The following PRDM4 variants were observed in gnomAD, a reference collection of about 807,000 sequenced individuals.
PRDM4 encodes the protein PR domain zinc finger protein 4.
In PRDM4, 38 loss-of-function variants were observed where a neutral mutation model predicts 62.3. The ratio of observed to expected loss-of-function variants is 0.61; its 90% CI spans 0.47 to 0.80. PRDM4 has a LOEUF of 0.80. PRDM4 is among the 30% of genes least tolerant of loss of function. The pLI, the probability that PRDM4 is intolerant of heterozygous loss-of-function variation, is 0.00. For missense variants in PRDM4, 858 were observed against 997.1 expected (o/e 0.86, Z 1.88); for synonymous variants, 339 against 348.2 (o/e 0.97, Z 0.30).
intron 11 of PRDM4, chr12:107,739,039 A>T (rs991732417): frequency 1.1e-5 from 2 of 189,684 alleles, no homozygotes; most frequent in African/African-American, 4.7e-5. Flanking sequence ...GCTGACTCTT[A>T]CTCTTCTCAC....
chr12:107,753,813 A>T, intron 4 of PRDM4, 111 bp downstream of exon 4: 1 of 1,014,414 alleles, frequency 9.9e-7, no homozygotes, highest in Non-Finnish European at 1.4e-6. Context: ...CCTAGAGATT[A>T]ATATCTAATA....
At chr12:107,753,790 G>A in intron 4 of PRDM4, 134 bp downstream of exon 4, 4 of 805,608 alleles carry the variant, frequency 5.0e-6, no homozygotes, top group Non-Finnish European at 7.4e-6. Context: ...TATAAACAAA[G>A]ATACTTTTCC....
rs1365315110 is a variant in PRDM4 at position 107,733,943 on chromosome 12, T to C, written c.*267A>G. On this transcript the variant is annotated 3_prime_UTR_variant, in exon 12 of 12. Coordinates refer to ENST00000228437, the MANE Select transcript of PRDM4 (RefSeq NM_012406.4). ...TCAGGCATAAATGCATCTCCCAGAT[T>C]ATCATGTAAATAAAGACCTCAGAAG... 5.3e-6 allele frequency: 2 copies of C among 376,378 alleles called. No individual in the cohort carries two copies. The highest frequency in any genetic ancestry group is 9.5e-6 in the Non-Finnish European group (2 of 210,868). The allele number at this position is 376,378 out of a possible 1,614,324, so 23.3% of individuals were successfully genotyped here.
chr12:107,741,318 G>T, intron 9 of PRDM4, 58 bp from the exon 10 acceptor site: 1 of 1,450,552 alleles, frequency 6.9e-7, no homozygotes, highest in Non-Finnish European at 9.4e-7. Context: ...ACTTGTTCTT[G>T]ATATTAACAA....
intron 2 of PRDM4, chr12:107,759,732 C>T (rs1320763728): frequency 6.6e-6 from 1 of 152,214 alleles, no homozygotes; most frequent in Non-Finnish European, 1.5e-5. Flanking sequence ...CTTTCTCATT[C>T]TAAAATGCAG....
intron 11 of PRDM4, chr12:107,736,984 A>C (rs1890353575): frequency 6.6e-6 from 1 of 152,408 alleles, no homozygotes; most frequent in South Asian, 2.1e-4. Flanking sequence ...ATAAGATTTA[A>C]GTTGCCTAGC....
intron 2 of PRDM4, among the ~76,000 whole-genome samples, chr12:107,758,065 G>A (rs1009840669): frequency 6.6e-6 from 1 of 151,986 alleles, no homozygotes; most frequent in Non-Finnish European, 1.5e-5. Flanking sequence ...ATCAAATGAG[G>A]TTACATATTC....
At position 107,751,492 on chromosome 12, in the gene PRDM4, A is replaced by T. The variant is rs1393462764; in HGVS notation, c.1049T>A (p.Leu350His). The T allele has an allele frequency of 1.2e-6, 2 of 1,614,080 alleles. No homozygotes were observed. Among genetic ancestry groups the T allele is most frequent in the Non-Finnish European group, 1.7e-6 (2 of 1,179,904 alleles). ...TGHVDVSSDS[L>H]SFVSPSLQME... ...TTGCAGTGAAGGTGATACAAAAGAA[A>T]GACTGTCTGAAGATACATCTACATG... The change falls in exon 5 of 12, where the codon CTT becomes CAT. Residue 350 changes from leucine to histidine, a missense_variant. By Grantham distance (99) the Leu-to-His change is moderately conservative. Coordinates refer to ENST00000228437, the MANE Select transcript of PRDM4 (RefSeq NM_012406.4).
intron 6 of PRDM4, 151 bp from the exon 7 acceptor site, chr12:107,744,812 C>T: frequency 9.1e-7 from 1 of 1,096,730 alleles, no homozygotes; most frequent in Non-Finnish European, 1.3e-6. Context: ...GTTATCCCGG[C>T]ACTTTGGGAG....
At chr12:107,739,911 G>A (rs4258462) in intron 10 of PRDM4, among the ~76,000 whole-genome samples, 44,229 of 150,686 alleles carry the variant, frequency 0.29, 8,169 homozygotes, top group Middle Eastern at 0.43. Flanking sequence ...GTGTCTATAG[G>A]GAAACATACT....
In PRDM4 at chr12:107,754,125, T is replaced by G. The variant is rs1565833575; in HGVS notation, c.146-16A>C. 5.1e-6 allele frequency: 8 copies of G among 1,554,980 alleles called. No homozygotes were observed. Among genetic ancestry groups the G allele is most frequent in the Non-Finnish European group, 7.0e-6 (8 of 1,145,780 alleles). ...ACTGGGAGGCCTACAAAACAAAATT[T>G]TTTTTCTCAGTTAAAAGAAAATAGG... On this transcript the variant is annotated splice_polypyrimidine_tract_variant and intron_variant, in intron 3 of 11. Transcript: ENST00000228437.
At chr12:107,736,108 A>G (rs1890321608) in intron 11 of PRDM4, among the ~76,000 whole-genome samples, 1 of 152,206 alleles carries the variant, frequency 6.6e-6, no homozygotes, top group Non-Finnish European at 1.5e-5. Context: ...TGGTTTTTAG[A>G]TGTTTATTCA....
rs775070807 is a variant in PRDM4, at chr12:107,739,506, T to C, written c.1970A>G (p.Gln657Arg). 1 of 1,614,036 alleles carries C rather than the reference T, an allele frequency of 6.2e-7. No homozygotes were observed. The highest frequency in any genetic ancestry group is 1.1e-5 in the South Asian group (1 of 91,074). ...CATGTGGGACTCCAGGTGAGCCTTC[T>C]GGGTGAAAGACTTGTCACACAAGGT... ...RCTLCDKSFT[Q>R]KAHLESHMVI... Residue 657 changes from glutamine (Q) to arginine (R), a missense_variant, in exon 11 of 12, where the codon CAG (glutamine) becomes CGG (arginine). Gln to Arg is a conservative substitution (Grantham distance 43). Coordinates refer to ENST00000228437, the MANE Select transcript of PRDM4 (RefSeq NM_012406.4).
rs1890907670 is a variant in PRDM4 at position 107,751,913 on chromosome 12, C to T, written c.628G>A (p.Ala210Thr). Residue 210 changes from alanine to threonine, a missense_variant, in exon 5 of 12, where the codon GCA becomes ACA. By Grantham distance (58) the Ala-to-Thr change is moderately conservative (BLOSUM62 0). Transcript: ENST00000228437. ...VTSPISTDGMAEELTMDGVAG... is the reference protein window; with the variant it reads ...VTSPISTDGMTEELTMDGVAG... ...ACACCGTCCATCGTAAGCTCCTCTG[C>T]CATTCCATCTGTCGAAATTGGGCTG... is the stretch of plus-strand genomic sequence containing the variant. The T allele has an allele frequency of 1.2e-6, 2 of 1,614,232 alleles. No homozygotes were observed. Among genetic ancestry groups the T allele is most frequent in the South Asian group, 2.2e-5 (2 of 91,088 alleles).
Position 107,741,235 on chromosome 12 carries a change from A to T in PRDM4, c.1635T>A (p.His545Gln), listed in dbSNP as rs750968084. Residue 545 changes from histidine (H) to glutamine (Q), a missense_variant, in exon 10 of 12, where the codon CAT (histidine) becomes CAA (glutamine). By Grantham distance (24) the His-to-Gln change is conservative (BLOSUM62 0). Around this residue, in one of 3 missense-constraint regions of PRDM4, gnomAD observed 355 missense variants for 432.6 expected, o/e 0.82. Coordinates refer to ENST00000228437, the MANE Select transcript of PRDM4 (RefSeq NM_012406.4). ...QIGVPEHPDV[H>Q]LCNCGKECNS... is the part of the protein sequence containing the mutation. Reference sequence around the variant, plus strand: ...TGCACTCCTTGCCACAGTTACAGAGATGCACATCTGGGTGTTCAGGAACAC... The same window carrying T: ...TGCACTCCTTGCCACAGTTACAGAGTTGCACATCTGGGTGTTCAGGAACAC... 5.0e-6 allele frequency: 8 copies of T among 1,612,538 alleles called. No homozygotes were observed. The Admixed American group carries it at 1.3e-4, about 27-fold the overall frequency.
chr12:107,734,046 T>A lies in PRDM4; in HGVS notation c.*164A>T. The A allele has an allele frequency of 1.4e-6, 1 of 705,722 alleles. No homozygotes were observed. Among genetic ancestry groups the A allele is most frequent in the Non-Finnish European group, 2.3e-6 (1 of 440,434 alleles). The allele number at this position is 705,722 out of a possible 1,614,324, so 43.7% of individuals were successfully genotyped here. A position where few individuals can be genotyped will look rare whatever the true frequency, so the allele number is the denominator to read the frequency against. ...CCCAATCTGTTTTAAAGTGTTTTCA[T>A]TAGGATACTCTTCTGTAAGTGCTTT... is the stretch of plus-strand genomic sequence containing the variant. On this transcript the variant is annotated 3_prime_UTR_variant, in exon 12 of 12. Transcript: ENST00000228437.
rs761768455 is a variant in PRDM4, at chr12:107,751,769, G to T, written c.772C>A (p.His258Asn). ...AVGHGGVIPM[H>N]GNGLELPVVM... ...ACAGGGAGCTCCAGGCCATTCCCAT[G>T]CATGGGTATCACACCACCATGTCCT... The change falls in exon 5 of 12, where the codon CAT becomes AAT. Residue 258 changes from histidine (H) to asparagine (N), a missense_variant. By Grantham distance (68) the His-to-Asn change is moderately conservative. Around this residue, in one of 3 missense-constraint regions of PRDM4, gnomAD observed 499 missense variants for 546.7 expected, o/e 0.91. Transcript: ENST00000228437. 1 of 1,614,170 alleles carries T rather than the reference G, an allele frequency of 6.2e-7. No individual in the cohort carries two copies. Among genetic ancestry groups the T allele is most frequent in the Non-Finnish European group, 8.5e-7 (1 of 1,180,034 alleles).
At chr12:107,735,953 T>C (rs1322481481) in intron 11 of PRDM4, among the ~76,000 whole-genome samples, 1 of 152,122 alleles carries the variant, frequency 6.6e-6, no homozygotes, top group Non-Finnish European at 1.5e-5. Flanking sequence ...TAGAATTCCC[T>C]GGAGCAGTTT....
chr12:107,746,495 T>TA, intron 5 of PRDM4, 71 bp from the exon 6 acceptor site: 1 of 1,393,590 alleles, frequency 7.2e-7, no homozygotes, highest in Admixed American at 2.6e-5. Flanking sequence ...CACGGTTTTT[T>TA]TTTTTTTTGA....
Sources: allele counts gnomAD v4.1 joint callset (sites outside exome capture counted in the v4.1 genomes callset), GRCh38; gene constraint gnomAD v4.1.1; regional missense constraint gnomAD v4.1.1; transcripts MANE v1.5; gene names NCBI Gene and HGNC (gene_info 2026-07-23, HGNC 2026-07-21).